SECISBP2L: variants seen among roughly 807,000 people sequenced by gnomAD.
SECISBP2L encodes SECIS binding protein 2 like, also known as selenocysteine insertion sequence-binding protein 2-like.
SECISBP2L carries 43 observed loss-of-function variants against 114.7 expected under a neutral mutation model. That is an observed-to-expected ratio of 0.38 (90% CI 0.29 to 0.48). The LOEUF (loss-of-function observed/expected upper bound fraction) is 0.48. Ranked by LOEUF, SECISBP2L falls within the 20% of genes least tolerant of loss-of-function variation. The pLI, the probability that SECISBP2L is intolerant of heterozygous loss-of-function variation, is 0.98. For synonymous variants in SECISBP2L, 451 were observed against 439.7 expected, an observed-to-expected ratio of 1.03 and a Z score of -0.32; for missense variants, 1,136 against 1,301.1, an observed-to-expected ratio of 0.87 and a Z score of 1.95.
At chr15:48,999,748 C>G (rs758736416) in intron 16 of SECISBP2L, 85 bp downstream of exon 16, 17 of 1,439,156 alleles carry the variant, frequency 1.2e-5, no homozygotes, top group Admixed American at 2.0e-5. Context: ...AATGCTTAAA[C>G]ATAACACTGG....
intron 3 of SECISBP2L, among the ~76,000 whole-genome samples, chr15:49,034,824 C>T (rs1277439644): frequency 6.6e-6 from 1 of 151,980 alleles, no homozygotes; most frequent in Non-Finnish European, 1.5e-5. Context: ...CTAACATACC[C>T]AGCTAATTTT....
Position 48,992,267 on chromosome 15 carries a change from T to C in SECISBP2L, c.3283A>G (p.Asn1095Asp), listed in dbSNP as rs1366024004. The C allele has an allele frequency of 8.7e-6, 14 of 1,607,014 alleles. No individual in the cohort carries two copies. Among genetic ancestry groups the C allele is most frequent in the Admixed American group, 1.7e-5 (1 of 58,418 alleles). ...SSLNKEHSDS[N>D]YTTQTT ...AGTTACGTAGTTTGCGTTGTGTAAT[T>C]AGAATCAGAGTGCTCTTTGTTGAGC... The change falls in exon 18 of 18, where the codon AAT becomes GAT. Residue 1095 changes from asparagine to aspartate, a missense_variant. This residue lies in a region of SECISBP2L where 684 missense variants were observed against 848.7 expected (regional missense o/e 0.81). Coordinates refer to ENST00000559471, the MANE Select transcript of SECISBP2L (RefSeq NM_001193489.2).
chr15:49,019,115 G>A (rs1290301817), intron 8 of SECISBP2L, among the ~76,000 whole-genome samples: 2 of 152,088 alleles, frequency 1.3e-5, no homozygotes, highest in African/African-American at 4.8e-5. Context: ...CAAAAATTAA[G>A]TGAAAAAGCT....
At chr15:49,027,507 A>G in intron 6 of SECISBP2L, 27 bp from the exon 7 acceptor site, 1 of 1,411,342 alleles carries the variant, frequency 7.1e-7, no homozygotes, top group Non-Finnish European at 9.7e-7. Flanking sequence ...TTTAAATTAT[A>G]ATTTACTTAT....
chr15:49,046,110 C>T (rs1378430860), intron 1 of SECISBP2L, among the ~76,000 whole-genome samples, 166 bp downstream of exon 1: 1 of 152,226 alleles, frequency 6.6e-6, no homozygotes, highest in Non-Finnish European at 1.5e-5. Flanking sequence ...TCCCAGGCAG[C>T]AGCTGGAACA....
In SECISBP2L at chr15:48,988,850, A is replaced by G. The variant is rs955430878; in HGVS notation, c.*3394T>C. 5 of 192,226 alleles carry G rather than the reference A, an allele frequency of 2.6e-5. No individual in the cohort carries two copies. In the Admixed American group the frequency reaches 2.8e-4, roughly 11 times the overall value. 11.9% of individuals were successfully genotyped at this position (192,226 alleles called of 1,614,324 possible). ...ACATTAAATTATAAACTTATGTGGT[A>G]TATTTAGAAATTAAATTATAAAATA... On this transcript the variant is annotated 3_prime_UTR_variant, in exon 18 of 18. Transcript: ENST00000559471.
chr15:49,017,493 T>C (rs1566857626), intron 9 of SECISBP2L, 55 bp downstream of exon 9: 9 of 1,113,784 alleles, frequency 8.1e-6, no homozygotes, highest in South Asian at 4.0e-5. Flanking sequence ...CCCTTCAACA[T>C]AGCCATTGTT....
intron 14 of SECISBP2L, among the ~76,000 whole-genome samples, chr15:49,002,591 T>G (rs577070409): frequency 8.5e-5 from 13 of 152,138 alleles, no homozygotes; most frequent in African/African-American, 2.9e-4. Flanking sequence ...TTAGGTTTTA[T>G]GTTTTAAGCC....
intron 1 of SECISBP2L, among the ~76,000 whole-genome samples, chr15:49,040,613 G>A (rs960005796): frequency 8.1e-6 from 1 of 124,094 alleles, no homozygotes; most frequent in African/African-American, 3.0e-5. Flanking sequence ...TCGGCTCACT[G>A]CAAGCTCCGC....
chr15:49,031,973 T>C (rs946789058), intron 4 of SECISBP2L, among the ~76,000 whole-genome samples: 3 of 152,212 alleles, frequency 2.0e-5, no homozygotes, highest in African/African-American at 7.2e-5. Context: ...TGTCAGTCTG[T>C]TAATCTCAAA....
In SECISBP2L at chr15:48,990,595, T is replaced by C. The variant is rs1471089207; in HGVS notation, c.*1649A>G. 6.6e-6 allele frequency: 1 copy of C among 152,504 alleles called. No homozygotes were observed. The highest frequency in any genetic ancestry group is 2.4e-5 in the African/African-American group (1 of 41,420). The allele number at this position is 152,504 out of a possible 1,614,324, so 9.4% of individuals were successfully genotyped here. ...CTCCTGAACTTTCACAATTCACAAA[T>C]ACTAAATCATCAACCAAGAATCCAA... On this transcript the variant is annotated 3_prime_UTR_variant, in exon 18 of 18. Transcript: ENST00000559471.
intron 16 of SECISBP2L, among the ~76,000 whole-genome samples, chr15:48,998,244 TC>T (rs35649642): frequency 6.6e-6 from 1 of 152,242 alleles, no homozygotes; most frequent in Non-Finnish European, 1.5e-5. Context: ...GCATCCTTTA[TC>T]CAGCTGCATT....
At chr15:49,026,573 A>C (rs1269667523) in intron 7 of SECISBP2L, among the ~76,000 whole-genome samples, 1 of 152,190 alleles carries the variant, frequency 6.6e-6, no homozygotes, top group Non-Finnish European at 1.5e-5. Flanking sequence ...AATGCTCTAA[A>C]ATCTGAAACT....
At chr15:49,040,246 T>C (rs539030772) in intron 1 of SECISBP2L, among the ~76,000 whole-genome samples, 33 of 152,162 alleles carry the variant, frequency 2.2e-4, no homozygotes, top group Non-Finnish European at 4.1e-4. Context: ...TAAGTGCAAT[T>C]CTAGTTATCA....
rs772299775 is a variant in SECISBP2L, at chr15:48,993,100, A to AGAGTGTGTGT, written c.2624-175_2624-174insACACACACTC. Among the ~76,000 whole-genome samples the AGAGTGTGTGT allele has an allele frequency of 5.0e-4, 70 of 139,220 alleles. 1 individual carries two copies. Among genetic ancestry groups the AGAGTGTGTGT allele is most frequent in the South Asian group, 2.1e-3 (9 of 4,214 alleles). 91.3% of individuals were successfully genotyped at this position (139,220 alleles called of 152,430 possible). A position where few individuals can be genotyped will look rare whatever the true frequency, so the allele number is the denominator to read the frequency against. ...TAGTACTAGTTTGAGACAGAGAGAG[A>AGAGTGTGTGT]GTGTGTGTGTGTGTGTGTGTGTGTG... On this transcript the variant is annotated intron_variant, in intron 17 of 17. Transcript: ENST00000559471.
At chr15:48,993,649 T>C (rs1902034177) in intron 17 of SECISBP2L, among the ~76,000 whole-genome samples, 1 of 151,880 alleles carries the variant, frequency 6.6e-6, no homozygotes, top group African/African-American at 2.4e-5. Context: ...AAAGAATCCA[T>C]CCATGCATTT....
In SECISBP2L at chr15:49,006,352, G is replaced by A. The variant is rs190624412; in HGVS notation, c.2027+2864C>T. Among the ~76,000 whole-genome samples the A allele has an allele frequency of 2.0e-3, 301 of 152,192 alleles. 1 individual carries two copies. Among genetic ancestry groups the A allele is most frequent in the South Asian group, 0.017 (80 of 4,816 alleles). On this transcript the variant is annotated intron_variant, in intron 14 of 17. Coordinates refer to ENST00000559471, the MANE Select transcript of SECISBP2L (RefSeq NM_001193489.2). Reference sequence around the variant, plus strand: ...TATCCTGAAGAGTGTTTTCCAACTTGGTTCCATTCTCCTCGTCACTTTCAG... The same window carrying A: ...TATCCTGAAGAGTGTTTTCCAACTTAGTTCCATTCTCCTCGTCACTTTCAG...
At chr15:49,025,971 A>G (rs955758343) in intron 7 of SECISBP2L, among the ~76,000 whole-genome samples, 2 of 152,206 alleles carry the variant, frequency 1.3e-5, no homozygotes, top group Non-Finnish European at 2.9e-5. Context: ...ATATGAAATC[A>G]ACTTAAGTGT....
At chr15:48,996,650 TAATA>T (rs1902098342) in intron 16 of SECISBP2L, 64 bp from the exon 17 acceptor site, 4 of 1,390,154 alleles carry the variant, frequency 2.9e-6, no homozygotes, top group Non-Finnish European at 4.0e-6. Context: ...CTATTATGGA[TAATA>T]AATATCTCTA....
Sources: gnomAD v4.1 joint callset for allele counts (sites outside exome capture counted in the v4.1 genomes callset) on GRCh38, gnomAD v4.1.1 for gene constraint, gnomAD v4.1.1 regional missense constraint, MANE v1.5 for transcripts, NCBI Gene and HGNC (gene_info 2026-07-23, HGNC 2026-07-21) for gene names.